Variants in OR51B5 observed in about 807,000 individuals in gnomAD.
OR51B5 encodes the protein olfactory receptor 51B5.
For synonymous variants in OR51B5, 186 were observed against 144.8 expected, an observed-to-expected ratio of 1.28 and a Z score of -2.04; for missense variants, 456 against 374.6, an observed-to-expected ratio of 1.22 and a Z score of -1.79.
At chr11:5,387,583 G>T (rs926844113) in intron 1 of OR51B5, among the ~76,000 whole-genome samples, 1 of 152,144 alleles carries the variant, frequency 6.6e-6, no homozygotes, top group Non-Finnish European at 1.5e-5. Flanking sequence ...CATACATGAC[G>T]TAGCATTTAG....
At chr11:5,479,469 C>G (rs1851379460) in intron 1 of OR51B5, among the ~76,000 whole-genome samples, 1 of 150,860 alleles carries the variant, frequency 6.6e-6, no homozygotes, top group South Asian at 2.1e-4. Flanking sequence ...AGCAAAATCA[C>G]CAGCTAACAT....
At chr11:5,420,074 A>G (rs1438168999) in intron 1 of OR51B5, among the ~76,000 whole-genome samples, 4 of 151,804 alleles carry the variant, frequency 2.6e-5, no homozygotes, top group Non-Finnish European at 5.9e-5. Flanking sequence ...AGGCCTTTTA[A>G]TATTTGAACC....
chr11:5,372,719 A>C (rs1293336062), intron 1 of OR51B5, among the ~76,000 whole-genome samples: 1 of 152,076 alleles, frequency 6.6e-6, no homozygotes, highest in Admixed American at 6.6e-5. Flanking sequence ...CCTTTTGATG[A>C]TTGTTTTCTT....
intron 1 of OR51B5, chr11:5,440,643 G>C: frequency 1.2e-6 from 2 of 1,613,854 alleles, no homozygotes; most frequent in Non-Finnish European, 1.7e-6. Context: ...GTAGATGATA[G>C]GGTTGAGCAT....
chr11:5,469,659 T>G (rs918465391), intron 1 of OR51B5, among the ~76,000 whole-genome samples: 10 of 152,228 alleles, frequency 6.6e-5, no homozygotes, highest in African/African-American at 2.4e-4. Flanking sequence ...ATAGAAACCT[T>G]TGACTAATTT....
Position 5,454,575 on chromosome 11 carries a change from A to T in OR51B5, n.84+50994T>A, listed in dbSNP as rs1590005128. 4.8e-6 allele frequency: 3 copies of T among 625,370 alleles called. No homozygotes were observed. In the East Asian group the frequency reaches 8.2e-5, roughly 17 times the overall value. The allele number at this position is 625,370 out of a possible 1,614,324, so 38.7% of individuals were successfully genotyped here. A position where few individuals can be genotyped will look rare whatever the true frequency, so the allele number is the denominator to read the frequency against. ...TGATGCAAAACTTATAACACAAAAC[A>T]AGGAGTTCCAAATGAATAGTACATT... On this transcript the variant is annotated intron_variant and non_coding_transcript_variant, in intron 1 of 4. Coordinates refer to the OR51B5 transcript ENST00000415970.
intron 1 of OR51B5, among the ~76,000 whole-genome samples, chr11:5,470,893 G>A (rs1009770953): frequency 4.6e-5 from 7 of 152,068 alleles, no homozygotes; most frequent in African/African-American, 7.2e-5. Context: ...TAATTCATTC[G>A]ACACAAAGCA....
chr11:5,352,257 T>G, intron 1 of OR51B5: 1 of 1,614,246 alleles, frequency 6.2e-7, no homozygotes, highest in Non-Finnish European at 8.5e-7. Flanking sequence ...TGGTCTTCTA[T>G]GTCACTGTAG....
chr11:5,494,464 A>C lies in OR51B5; in HGVS notation n.84+11105T>G, dbSNP rs184303894. On this transcript the variant is annotated intron_variant and non_coding_transcript_variant, in intron 1 of 4. Coordinates refer to the OR51B5 transcript ENST00000415970. ...TTACCCACTGAGTTCTTCATTCAGC[A>C]CAGGAACCATACTTTATCTTTCTGG... 5.9e-5 allele frequency among the ~76,000 whole-genome samples: 9 copies of C among 152,318 alleles called. No homozygotes were observed. In the East Asian group the frequency reaches 1.7e-3, roughly 29 times the overall value.
chr11:5,395,519 GA>G (rs1445962203), intron 1 of OR51B5, among the ~76,000 whole-genome samples: 4 of 152,186 alleles, frequency 2.6e-5, no homozygotes, highest in African/African-American at 9.7e-5. Context: ...TTTTGATGGG[GA>G]AGACAGATCT....
chr11:5,413,512 G>A (rs1027758082), intron 1 of OR51B5, among the ~76,000 whole-genome samples: 2 of 151,874 alleles, frequency 1.3e-5, no homozygotes, highest in Non-Finnish European at 2.9e-5. Context: ...TCAAACCAAA[G>A]GCAAAGAAGT....
intron 1 of OR51B5, among the ~76,000 whole-genome samples, chr11:5,468,277 C>A (rs1363889702): frequency 6.6e-6 from 1 of 152,196 alleles, no homozygotes; most frequent in Non-Finnish European, 1.5e-5. Flanking sequence ...TCACTTGTGG[C>A]AACCTGTGAC....
intron 1 of OR51B5, among the ~76,000 whole-genome samples, chr11:5,388,352 A>G (rs1374843379): frequency 6.6e-6 from 1 of 151,828 alleles, no homozygotes; most frequent in Non-Finnish European, 1.5e-5. Flanking sequence ...TGCATAGTGA[A>G]CTACAGGAAC....
chr11:5,402,934 A>G, intron 1 of OR51B5: 2 of 471,334 alleles, frequency 4.2e-6, no homozygotes, highest in Non-Finnish European at 4.4e-6. Context: ...TTTATCCATG[A>G]TGGAGCCAGC....
intron 1 of OR51B5, among the ~76,000 whole-genome samples, chr11:5,405,866 G>A (rs773786490): frequency 2.6e-5 from 4 of 152,104 alleles, no homozygotes; most frequent in African/African-American, 7.2e-5. Context: ...TTAATAGCCC[G>A]CTGATAGGTG....
intron 1 of OR51B5, among the ~76,000 whole-genome samples, chr11:5,400,959 CGT>C (rs1291946552): frequency 6.6e-6 from 1 of 152,148 alleles, no homozygotes; most frequent in Non-Finnish European, 1.5e-5. Context: ...CATGTTTGTT[CGT>C]GTGTGAATAG....
At chr11:5,409,429 A>G (rs1177449790) in intron 1 of OR51B5, among the ~76,000 whole-genome samples, 2 of 152,182 alleles carry the variant, frequency 1.3e-5, no homozygotes, top group Non-Finnish European at 2.9e-5. Context: ...GGAAAATGGG[A>G]AAAAGCTGAT....
At chr11:5,422,387 C>G (rs777903991) in intron 1 of OR51B5, 1 of 1,614,220 alleles carries the variant, frequency 6.2e-7, no homozygotes, top group Non-Finnish European at 8.5e-7. Flanking sequence ...GCGCATGTAT[C>G]TGTTTCTCTC....
intron 1 of OR51B5, among the ~76,000 whole-genome samples, chr11:5,396,992 G>C (rs1849883582): frequency 6.6e-6 from 1 of 152,182 alleles, no homozygotes; most frequent in African/African-American, 2.4e-5. Flanking sequence ...GGGAAAACTG[G>C]CTAGCCAAAT....
Sources: gnomAD v4.1 joint callset for allele counts (sites outside exome capture counted in the v4.1 genomes callset) on GRCh38, gnomAD v4.1.1 for gene constraint, MANE v1.5 for transcripts, NCBI Gene and HGNC (gene_info 2026-07-23, HGNC 2026-07-21) for gene names.